Variants in NBEAL1 observed in about 807,000 individuals in gnomAD.
NBEAL1 encodes the protein neurobeachin like 1, also known as neurobeachin-like protein 1.
NBEAL1 carries 273 observed loss-of-function variants against 351.3 expected under a neutral mutation model. The observed-to-expected ratio is 0.78, with a 90% CI of 0.70 to 0.86. The LOEUF (loss-of-function observed/expected upper bound fraction) is 0.86. Ranked by LOEUF, NBEAL1 falls within the 40% of genes least tolerant of loss-of-function variation. The pLI, the probability that NBEAL1 is intolerant of heterozygous loss-of-function variation, is 0.00. For synonymous variants in NBEAL1, 1,050 were observed against 1,086.4 expected (o/e 0.97, Z 0.66); for missense variants, 2,961 against 3,201.3 (o/e 0.92, Z 1.81).
chr2:203,140,019 G>A (rs1252487185), intron 31 of NBEAL1, among the ~76,000 whole-genome samples: 2 of 151,810 alleles, frequency 1.3e-5, no homozygotes, highest in Non-Finnish European at 2.9e-5. Context: ...ACACAAAAGC[G>A]GCTGGGCGTG....
At chr2:203,176,400 T>A (rs367804368) in intron 42 of NBEAL1, among the ~76,000 whole-genome samples, 4 of 151,964 alleles carry the variant, frequency 2.6e-5, no homozygotes, top group African/African-American at 9.7e-5. Flanking sequence ...AAAGTAAGTA[T>A]CTGATAGAAG....
At chr2:203,123,676 A>C (rs2062878620) in intron 19 of NBEAL1, among the ~76,000 whole-genome samples, 1 of 152,122 alleles carries the variant, frequency 6.6e-6, no homozygotes, top group Non-Finnish European at 1.5e-5. Context: ...GATTTATGAC[A>C]TGAATGACAC....
intron 2 of NBEAL1, among the ~76,000 whole-genome samples, chr2:203,037,276 C>T (rs544180115): frequency 6.7e-6 from 1 of 149,000 alleles, no homozygotes; most frequent in South Asian, 2.1e-4. Flanking sequence ...TAACCAAGAG[C>T]AGTACTTAAG....
chr2:203,036,896 A>G (rs1388581832), intron 2 of NBEAL1, among the ~76,000 whole-genome samples: 1 of 148,988 alleles, frequency 6.7e-6, no homozygotes, highest in Non-Finnish European at 1.5e-5. Context: ...CCAAGAGGTA[A>G]TTCTCTGCTG....
chr2:203,032,204 T>A (rs1234174354), intron 2 of NBEAL1, among the ~76,000 whole-genome samples: 1 of 152,200 alleles, frequency 6.6e-6, no homozygotes, highest in Non-Finnish European at 1.5e-5. Context: ...ATGTTCATTA[T>A]GAGATCATGA....
At chr2:203,148,525 C>T (rs1038528867) in intron 33 of NBEAL1, among the ~76,000 whole-genome samples, 4 of 152,136 alleles carry the variant, frequency 2.6e-5, no homozygotes, top group South Asian at 4.2e-4. Flanking sequence ...AGCCAGTCTT[C>T]GGTTTGTTTC....
At chr2:203,083,882 G>T (rs1431887413) in intron 9 of NBEAL1, among the ~76,000 whole-genome samples, 1 of 151,990 alleles carries the variant, frequency 6.6e-6, no homozygotes, top group African/African-American at 2.4e-5. Flanking sequence ...AGTGAATTTT[G>T]TATGTGCCTC....
chr2:203,156,268 T>C (rs968478528), intron 35 of NBEAL1, among the ~76,000 whole-genome samples: 1 of 152,184 alleles, frequency 6.6e-6, no homozygotes, highest in African/African-American at 2.4e-5. Flanking sequence ...CTTTTGAATG[T>C]TTTTCCTTAT....
chr2:203,077,722 T>TTTAA (rs1447261554), intron 7 of NBEAL1, 30 bp from the exon 8 acceptor site: 3 of 1,071,680 alleles, frequency 2.8e-6, no homozygotes, highest in Non-Finnish European at 3.8e-6. Flanking sequence ...ACAAATCTTA[T>TTTAA]TTATTTATTT....
At chr2:203,183,001 T>G (rs1416923242) in intron 43 of NBEAL1, 2 of 201,042 alleles carry the variant, frequency 9.9e-6, no homozygotes, top group East Asian at 2.3e-4. Context: ...AGAAGAAAAC[T>G]TAATTTTGCA....
chr2:203,139,018 G>A (rs888971600), intron 31 of NBEAL1, among the ~76,000 whole-genome samples: 1 of 152,010 alleles, frequency 6.6e-6, no homozygotes, highest in Non-Finnish European at 1.5e-5. Flanking sequence ...CATCTGTATT[G>A]AATGTAACTA....
intron 42 of NBEAL1, among the ~76,000 whole-genome samples, chr2:203,178,018 C>CAA (rs77855827): frequency 4.2e-5 from 6 of 142,370 alleles, no homozygotes; most frequent in African/African-American, 1.6e-4. Context: ...TACTCCATCT[C>CAA]AAAAAAAAAA....
intron 50 of NBEAL1, among the ~76,000 whole-genome samples, chr2:203,202,255 A>C (rs1444993494): frequency 2.0e-5 from 3 of 152,182 alleles, no homozygotes; most frequent in African/African-American, 7.2e-5. Flanking sequence ...TTTAGGAAAA[A>C]TATATTTGTA....
chr2:203,047,067 C>T (rs929737429), intron 3 of NBEAL1, among the ~76,000 whole-genome samples: 21 of 151,876 alleles, frequency 1.4e-4, no homozygotes, highest in African/African-American at 4.4e-4. Flanking sequence ...GGAGAAAACC[C>T]GTCTCTACTA....
In NBEAL1 at chr2:203,126,903, A is replaced by G; in HGVS notation, c.3225A>G (p.Leu1075=). ...AGAAGTATGGTGTGCAGTTTCTCCTAGATACACTTAGGATTTATTATGGGT... is the reference window on the plus strand; with the variant it reads ...AGAAGTATGGTGTGCAGTTTCTCCTGGATACACTTAGGATTTATTATGGGT... The part of the protein sequence containing the change: ...FRKKYGVQFL[L]DTLRIYYGNG... Residue 1075 remains leucine (L), a synonymous_variant, in exon 23 of 56, where the codon CTA becomes CTG. Coordinates refer to ENST00000683969, the MANE Select transcript of NBEAL1 (RefSeq NM_001378026.1). 6.4e-7 allele frequency: 1 copy of G among 1,550,472 alleles called. No homozygotes were observed. Among genetic ancestry groups the G allele is most frequent in the Non-Finnish European group, 8.7e-7 (1 of 1,145,418 alleles).
Position 203,191,319 on chromosome 2 carries a change from G to GAAAAA in NBEAL1, c.6921+942_6921+946dup, listed in dbSNP as rs200659518. On this transcript the variant is annotated intron_variant, in intron 46 of 55. Coordinates refer to ENST00000683969, the MANE Select transcript of NBEAL1 (RefSeq NM_001378026.1). Reference sequence around the variant, plus strand: ...TTCAATAAAGGATCATTTGACAACTGAAAAAAAAAAAAAAAAGAATCAAAT... The same window carrying GAAAAA: ...TTCAATAAAGGATCATTTGACAACTGAAAAAAAAAAAAAAAAAAAAAGAATCAAAT... 4 of 392,260 alleles carry GAAAAA rather than the reference G, an allele frequency of 1.0e-5. No homozygotes were observed. The South Asian group carries it at 1.5e-4, about 15-fold the overall frequency. 24.3% of individuals were successfully genotyped at this position (392,260 alleles called of 1,614,324 possible).
At chr2:203,099,747 T>A in intron 12 of NBEAL1, 35 bp downstream of exon 12, 1 of 1,318,860 alleles carries the variant, frequency 7.6e-7, no homozygotes, top group Non-Finnish European at 1.0e-6. Context: ...TTTTTTTTTC[T>A]TAACTTTTAT....
chr2:203,053,568 C>G (rs1051523025), intron 4 of NBEAL1, among the ~76,000 whole-genome samples: 1 of 151,930 alleles, frequency 6.6e-6, no homozygotes, highest in African/African-American at 2.4e-5. Context: ...AGTTCTGTTG[C>G]CTGAGGTGCG....
chr2:203,040,838 A>T (rs2061128731), intron 2 of NBEAL1: 11 of 464,502 alleles, frequency 2.4e-5, no homozygotes, highest in Admixed American at 1.5e-4. Context: ...TTCCTCAAGG[A>T]GATGGGCTCA....
Sources: allele counts gnomAD v4.1 joint callset (sites outside exome capture counted in the v4.1 genomes callset), GRCh38; gene constraint gnomAD v4.1.1; transcripts MANE v1.5; gene names NCBI Gene and HGNC (gene_info 2026-07-23, HGNC 2026-07-21).